The following RFX8 variants were observed in gnomAD, a reference collection of about 807,000 sequenced individuals.
RFX8 encodes DNA-binding protein RFX8.
A neutral mutation model predicts 54.6 loss-of-function variants in RFX8; 46 were observed. That is an observed-to-expected ratio of 0.84 (90% CI 0.67 to 1.08). The LOEUF (loss-of-function observed/expected upper bound fraction) is 1.08, where lower values mean the gene tolerates loss of function less well. RFX8 is among the 50% of genes least tolerant of loss of function. The probability of loss-of-function intolerance (pLI) is 0.00; values close to 1 mark genes in which losing one functional copy is unlikely to be tolerated. For synonymous variants in RFX8, 192 were observed against 209.5 expected (o/e 0.92, Z 0.72); for missense variants, 536 against 562.3 (o/e 0.95, Z 0.47).
chr2:101,428,691 T>C (rs1412137747), intron 2 of RFX8, among the ~76,000 whole-genome samples: 2 of 152,180 alleles, frequency 1.3e-5, no homozygotes, highest in Non-Finnish European at 2.9e-5. Context: ...AGCCTATATA[T>C]CCTTTTTAAT....
At chr2:101,407,379 G>T (rs1419815132) in intron 9 of RFX8, among the ~76,000 whole-genome samples, 1 of 152,132 alleles carries the variant, frequency 6.6e-6, no homozygotes, top group African/African-American at 2.4e-5. Context: ...TATGTTGAAG[G>T]GACAATGAGA....
chr2:101,474,127 C>A (rs1690165920), intron 1 of RFX8: 1 of 550,946 alleles, frequency 1.8e-6, no homozygotes, highest in Admixed American at 3.8e-5. Context: ...CCGAGGGCAG[C>A]CGTAGCGGGA....
chr2:101,432,386 C>G (rs1326652876), intron 2 of RFX8, among the ~76,000 whole-genome samples: 1 of 152,134 alleles, frequency 6.6e-6, no homozygotes, highest in Non-Finnish European at 1.5e-5. Context: ...CCCTGAGTGT[C>G]TGGCAGATTC....
At chr2:101,437,174 T>C (rs1687825087) in intron 2 of RFX8, among the ~76,000 whole-genome samples, 1 of 152,358 alleles carries the variant, frequency 6.6e-6, no homozygotes, top group African/African-American at 2.4e-5. Context: ...GTGCAGTGGC[T>C]CACGCCTGTA....
At chr2:101,418,201 T>C (rs550699393) in intron 5 of RFX8, among the ~76,000 whole-genome samples, 1 of 152,326 alleles carries the variant, frequency 6.6e-6, no homozygotes, top group South Asian at 2.1e-4. Flanking sequence ...CAAATATTTT[T>C]AAAAGATTGA....
chr2:101,414,863 G>A lies in RFX8; in HGVS notation c.552C>T (p.Asn184=). 6.5e-7 allele frequency: 1 copy of A among 1,550,140 alleles called. No individual in the cohort carries two copies. The highest frequency in any genetic ancestry group is 1.2e-5 in the South Asian group (1 of 84,040). Reference sequence around the variant, plus strand: ...CTTGGCTGAAGCCTACCTTAGCCATGTTGGAAAGGTACGTCTTTCTTCTTA... The same window carrying A: ...CTTGGCTGAAGCCTACCTTAGCCATATTGGAAAGGTACGTCTTTCTTCTTA... The part of the protein sequence containing the change: ...KRLRRKTYLS[N]MAKTMRMVLK... Residue 184 remains asparagine, a synonymous_variant, in exon 7 of 12, where the codon AAC becomes AAT. Transcript: ENST00000428343.
At chr2:101,440,808 C>T (rs555994960) in intron 2 of RFX8, among the ~76,000 whole-genome samples, 1 of 152,090 alleles carries the variant, frequency 6.6e-6, no homozygotes, top group Non-Finnish European at 1.5e-5. Context: ...CACTGAAGTA[C>T]GGCTCCAGCG....
chr2:101,418,316 C>G (rs1686655481), intron 5 of RFX8, among the ~76,000 whole-genome samples: 1 of 152,148 alleles, frequency 6.6e-6, no homozygotes, highest in South Asian at 2.1e-4. Flanking sequence ...AGTTTTCAAA[C>G]TTTGTGTTAA....
At chr2:101,465,016 A>G (rs747683022) in intron 2 of RFX8, among the ~76,000 whole-genome samples, 128 of 152,126 alleles carry the variant, frequency 8.4e-4, no homozygotes, top group Non-Finnish European at 9.3e-4. Flanking sequence ...GTTTGCCAAT[A>G]TTTGGAGTGA....
At position 101,410,682 on chromosome 2, in the gene RFX8, T is replaced by A; in HGVS notation, c.750A>T (p.Thr250=). 1 of 1,544,964 alleles carries A rather than the reference T, an allele frequency of 6.5e-7. No homozygotes were observed. Reference sequence around the variant, plus strand: ...TGAGGAATACCCTGAGATCTGTTGATGTTCCCAGCAAAGAAATTAAGTTTC... The same window carrying A: ...TGAGGAATACCCTGAGATCTGTTGAAGTTCCCAGCAAAGAAATTAAGTTTC... ...CLRNLISLLG[T]STDLRVFLSC... is the part of the protein sequence containing the mutation. The change falls in exon 9 of 12, where the codon ACA becomes ACT. Residue 250 remains threonine (T), a synonymous_variant. Transcript: ENST00000428343.
At chr2:101,438,915 G>C (rs538969580) in intron 2 of RFX8, among the ~76,000 whole-genome samples, 2 of 152,256 alleles carry the variant, frequency 1.3e-5, no homozygotes, top group Admixed American at 6.5e-5. Flanking sequence ...GGGTTCAAGC[G>C]ATTCTCCTGG....
rs1427230110 is a variant in RFX8 at position 101,452,346 on chromosome 2, T to C, written c.72+14431A>G. On this transcript the variant is annotated intron_variant, in intron 2 of 11. Coordinates refer to ENST00000428343, the MANE Select transcript of RFX8 (RefSeq NM_001145664.2). Reference sequence around the variant, plus strand: ...CATTTTGTGATTTTCCAAATCCTTGTTTTTAACATTTGAAATAAAACAAAA... The same window carrying C: ...CATTTTGTGATTTTCCAAATCCTTGCTTTTAACATTTGAAATAAAACAAAA... 7 of 1,163,082 alleles carry C rather than the reference T, an allele frequency of 6.0e-6. No homozygotes were observed. The Admixed American group carries it at 1.1e-4, about 18-fold the overall frequency. 72.0% of individuals were successfully genotyped at this position (1,163,082 alleles called of 1,614,324 possible).
chr2:101,453,098 G>A (rs1211494003), intron 2 of RFX8, among the ~76,000 whole-genome samples: 8 of 118,576 alleles, frequency 6.7e-5, no homozygotes, highest in African/African-American at 2.6e-4. Context: ...GTGACAGAGC[G>A]AGACTCCATC....
chr2:101,421,652 G>A, intron 4 of RFX8, 72 bp downstream of exon 4: 1 of 1,503,470 alleles, frequency 6.7e-7, no homozygotes, highest in Non-Finnish European at 8.9e-7. Context: ...AAATAAAAAT[G>A]ATTAATAAGG....
Position 101,469,075 on chromosome 2 carries a change from TATAAGTGTATATATATAA to T in RFX8, c.-52-2193_-52-2176del, listed in dbSNP as rs1256039295. 3.5e-4 allele frequency among the ~76,000 whole-genome samples: 3 copies of T among 8,586 alleles called. 1 individual carries two copies. The highest frequency in any genetic ancestry group is 1.8e-3 in the African/African-American group (3 of 1,684). 5.6% of individuals were successfully genotyped at this position (8,586 alleles called of 152,430 possible). A position where few individuals can be genotyped will look rare whatever the true frequency, so the allele number is the denominator to read the frequency against. On this transcript the variant is annotated intron_variant, in intron 1 of 11. Transcript: ENST00000428343. ...ATATACGTATATATATGTATATATA[TATAAGTGTATATATATAA>T]GTATATATATATAAGTGTATATATA...
At chr2:101,429,028 G>A (rs1442596397) in intron 2 of RFX8, 15 of 1,518,462 alleles carry the variant, frequency 9.9e-6, no homozygotes, top group Admixed American at 9.8e-5. Flanking sequence ...CACTGTGAAG[G>A]AACAGAAAAC....
intron 1 of RFX8, chr2:101,474,158 C>A (rs770105305): frequency 1.6e-6 from 1 of 610,378 alleles, no homozygotes; most frequent in South Asian, 1.8e-5. Flanking sequence ...CCCTCCCCGG[C>A]CCCACCTCCT....
At chr2:101,419,523 G>A (rs775899988) in intron 4 of RFX8, among the ~76,000 whole-genome samples, 1 of 152,198 alleles carries the variant, frequency 6.6e-6, no homozygotes, top group Non-Finnish European at 1.5e-5. Flanking sequence ...CCTCTTTTCT[G>A]TTTTTTCCCA....
chr2:101,427,648 A>G (rs1467816213), intron 2 of RFX8, among the ~76,000 whole-genome samples: 1 of 152,150 alleles, frequency 6.6e-6, no homozygotes, highest in African/African-American at 2.4e-5. Flanking sequence ...CAACAGTGGG[A>G]ACCGCACTCT....
Sources: gnomAD v4.1 joint callset for allele counts (sites outside exome capture counted in the v4.1 genomes callset) on GRCh38, gnomAD v4.1.1 for gene constraint, MANE v1.5 for transcripts, NCBI Gene and HGNC (gene_info 2026-07-23, HGNC 2026-07-21) for gene names.